PAK1: variants seen among roughly 807,000 people sequenced by gnomAD.
PAK1 encodes p21 (RAC1) activated kinase 1, also known as serine/threonine-protein kinase PAK 1.
Under a neutral mutation model 67.4 loss-of-function variants are expected in PAK1, and 29 were observed. That is an observed-to-expected ratio of 0.43 (90% confidence interval 0.32 to 0.59). PAK1 has a LOEUF of 0.59. Among genes scored for constraint, PAK1 ranks in the 20% least tolerant of loss-of-function variants. PAK1 has a pLI of 0.07. For synonymous variants in PAK1, 223 were observed against 237.4 expected (o/e 0.94, Z 0.56); for missense variants, 337 against 670.7 (o/e 0.50, Z 5.50).
At chr11:77,469,612 CT>C (rs150530502) in intron 1 of PAK1, among the ~76,000 whole-genome samples, 4,987 of 151,796 alleles carry the variant, frequency 0.033, 145 homozygotes, top group African/African-American at 0.077. Context: ...GGTCTCCTAA[CT>C]TTTCCAGGGT....
the PAK1 span, among the ~76,000 whole-genome samples, chr11:77,507,467 C>T: frequency 6.6e-6 from 1 of 152,170 alleles, no homozygotes. Context: ...CAGTGCTTTC[C>T]AGTTTATAAA....
intron 1 of PAK1, among the ~76,000 whole-genome samples, chr11:77,456,169 T>C (rs1957069809): frequency 6.6e-6 from 1 of 152,080 alleles, no homozygotes; most frequent in Non-Finnish European, 1.5e-5. Flanking sequence ...TAAGCACTAA[T>C]AACTGTATTT....
In PAK1 at chr11:77,356,665, A is replaced by C. The variant is rs1007726; in HGVS notation, c.598-823T>G. Among the ~76,000 whole-genome samples the C allele has an allele frequency of 1.4e-3, 207 of 152,262 alleles. 1 individual carries two copies. The highest frequency in any genetic ancestry group is 4.7e-3 in the African/African-American group (195 of 41,554). On this transcript the variant is annotated intron_variant, in intron 6 of 14. Coordinates refer to ENST00000356341, the MANE Select transcript of PAK1 (RefSeq NM_002576.5). ...GACTCATCCCCAGCAGACATTAAGCACTCAAATTTTACCTTTTAAAAATAT... is the reference window on the plus strand; with the variant it reads ...GACTCATCCCCAGCAGACATTAAGCCCTCAAATTTTACCTTTTAAAAATAT...
chr11:77,420,565 CT>C (rs1377995468), intron 1 of PAK1, among the ~76,000 whole-genome samples: 1 of 152,206 alleles, frequency 6.6e-6, no homozygotes, highest in African/African-American at 2.4e-5. Flanking sequence ...TTTTACTCCA[CT>C]TTTTGTCTAT....
chr11:77,378,234 C>A (rs1464686532), intron 4 of PAK1, among the ~76,000 whole-genome samples: 1 of 152,138 alleles, frequency 6.6e-6, no homozygotes, highest in Non-Finnish European at 1.5e-5. Flanking sequence ...CAATGGAAAG[C>A]TGGTCCGCTG....
At chr11:77,490,296 C>CCG in the PAK1 span, among the ~76,000 whole-genome samples, 7 of 149,142 alleles carry the variant, frequency 4.7e-5, 1 homozygote, top group African/African-American at 1.5e-4. Flanking sequence ...GTCAGCCCCC[C>CCG]CACCCGGCCA....
At chr11:77,425,280 T>C (rs1955491295) in intron 1 of PAK1, among the ~76,000 whole-genome samples, 1 of 152,048 alleles carries the variant, frequency 6.6e-6, no homozygotes, top group Non-Finnish European at 1.5e-5. Context: ...GCTTTTTTTT[T>C]TTTTAATATA....
intron 7 of PAK1, 136 bp downstream of exon 7, chr11:77,355,532 G>A (rs1945901681): frequency 1.5e-6 from 1 of 687,636 alleles, no homozygotes; most frequent in Admixed American, 2.3e-5. Context: ...TCAGGGGCAG[G>A]GTGAGGAGAA....
chr11:77,457,437 C>T (rs966149117), intron 1 of PAK1, among the ~76,000 whole-genome samples: 8 of 152,116 alleles, frequency 5.3e-5, no homozygotes, highest in African/African-American at 1.7e-4. Context: ...TTGAAGGCTG[C>T]GGCTCTGCAG....
chr11:77,490,047 C>T, the PAK1 span, among the ~76,000 whole-genome samples: 4 of 151,070 alleles, frequency 2.6e-5, no homozygotes, highest in African/African-American at 7.3e-5. Context: ...AAGTGAGGAG[C>T]GTCTCTGCCC....
chr11:77,486,288 C>G, the PAK1 span, among the ~76,000 whole-genome samples: 1 of 151,874 alleles, frequency 6.6e-6, no homozygotes, highest in Non-Finnish European at 1.5e-5. Flanking sequence ...ATTCCTTGAG[C>G]AGCCTAGGAG....
At chr11:77,424,981 T>C (rs1422515546) in intron 1 of PAK1, among the ~76,000 whole-genome samples, 1 of 152,140 alleles carries the variant, frequency 6.6e-6, no homozygotes, top group African/African-American at 2.4e-5. Context: ...CAAACAAATA[T>C]AAAAAATAAA....
chr11:77,326,891 A>G (rs1940052105), intron 14 of PAK1, among the ~76,000 whole-genome samples: 1 of 152,182 alleles, frequency 6.6e-6, no homozygotes, highest in African/African-American at 2.4e-5. Context: ...TTTGAAAAAA[A>G]ATAAGATGAA....
intron 14 of PAK1, among the ~76,000 whole-genome samples, chr11:77,330,723 G>C (rs1941297395): frequency 6.6e-6 from 1 of 152,134 alleles, no homozygotes; most frequent in African/African-American, 2.4e-5. Flanking sequence ...ACATAGGCAT[G>C]GGCAAGGACT....
chr11:77,461,874 C>G (rs991156548), intron 1 of PAK1, among the ~76,000 whole-genome samples: 1 of 152,238 alleles, frequency 6.6e-6, no homozygotes, highest in East Asian at 1.9e-4. Context: ...GAAACATTGC[C>G]TTCGATAATA....
chr11:77,437,318 A>G (rs1340481011), intron 1 of PAK1, among the ~76,000 whole-genome samples: 1 of 152,220 alleles, frequency 6.6e-6, no homozygotes, highest in Non-Finnish European at 1.5e-5. Flanking sequence ...CTATTAATTC[A>G]CTTAACCTTA....
chr11:77,393,159 T>A (rs1466058790), intron 1 of PAK1, among the ~76,000 whole-genome samples: 1 of 151,970 alleles, frequency 6.6e-6, no homozygotes, highest in African/African-American at 2.4e-5. Flanking sequence ...ACAGAGATTG[T>A]ATGTCCACAA....
chr11:77,449,962 C>T (rs1956785734), intron 1 of PAK1, among the ~76,000 whole-genome samples: 1 of 152,140 alleles, frequency 6.6e-6, no homozygotes, highest in South Asian at 2.1e-4. Context: ...ATCTTTTAGT[C>T]ATGAAGACTT....
chr11:77,511,015 T>G, the PAK1 span, among the ~76,000 whole-genome samples: 1 of 152,330 alleles, frequency 6.6e-6, no homozygotes, highest in East Asian at 1.9e-4. Flanking sequence ...GACTTCTGTG[T>G]GGGAAGGTAG....
Sources: allele counts gnomAD v4.1 joint callset (sites outside exome capture counted in the v4.1 genomes callset), GRCh38; gene constraint gnomAD v4.1.1; transcripts MANE v1.5; gene names NCBI Gene and HGNC (gene_info 2026-07-23, HGNC 2026-07-21).